SLC25A24: variants seen among roughly 807,000 people sequenced by gnomAD.
SLC25A24 encodes the protein mitochondrial adenyl nucleotide antiporter SLC25A24.
SLC25A24 carries 49 observed loss-of-function variants against 60.7 expected under a neutral mutation model. The ratio of observed to expected loss-of-function variants is 0.81; its 90% CI spans 0.64 to 1.02. The LOEUF is 1.02. Among genes scored for constraint, SLC25A24 ranks in the 50% least tolerant of loss-of-function variants. The pLI, the probability that SLC25A24 is intolerant of heterozygous loss-of-function variation, is 0.00. For missense variants in SLC25A24, 564 were observed against 586.3 expected (o/e 0.96, Z 0.39); for synonymous variants, 202 against 200.6 (o/e 1.01, Z -0.06).
intron 4 of SLC25A24, among the ~76,000 whole-genome samples, chr1:108,160,237 C>T (rs569834404): frequency 4.0e-4 from 61 of 151,146 alleles, no homozygotes; most frequent in African/African-American, 9.5e-4. Flanking sequence ...ACATCCCAGA[C>T]GGGGCGGCGG....
At chr1:108,197,053 T>C (rs1483796271) in intron 1 of SLC25A24, among the ~76,000 whole-genome samples, 1 of 152,128 alleles carries the variant, frequency 6.6e-6, no homozygotes, top group African/African-American at 2.4e-5. Context: ...AATTTTTCAC[T>C]AATTTCATAG....
intron 6 of SLC25A24, among the ~76,000 whole-genome samples, chr1:108,151,610 T>C (rs1679759419): frequency 6.6e-6 from 1 of 152,218 alleles, no homozygotes; most frequent in Non-Finnish European, 1.5e-5. Context: ...GTTTCTTCTT[T>C]TACTTCTCCC....
chr1:108,141,016 T>G (rs1429590856), intron 8 of SLC25A24, among the ~76,000 whole-genome samples: 1 of 152,088 alleles, frequency 6.6e-6, no homozygotes, highest in African/African-American at 2.4e-5. Context: ...GAATAACACA[T>G]ACAGAATCAA....
chr1:108,161,263 G>T lies in SLC25A24; in HGVS notation c.429C>A (p.Asp143Glu), dbSNP rs1291591276. ...AGAAGTAGTCTCTCCATTCATTCCA[G>T]TCCACTGTCATTGTCCCATCAACAT... ...SIDVDGTMTVDWNEWRDYFLF... is the reference protein window; with the variant it reads ...SIDVDGTMTVEWNEWRDYFLF... The change falls in exon 4 of 10, where the codon GAC (aspartate) becomes GAA (glutamate). Residue 143 changes from aspartate (D) to glutamate (E), a missense_variant. Coordinates refer to ENST00000565488, the MANE Select transcript of SLC25A24 (RefSeq NM_013386.5). The T allele has an allele frequency of 6.3e-6, 10 of 1,599,284 alleles. No homozygotes were observed. The highest frequency in any genetic ancestry group is 7.7e-6 in the Non-Finnish European group (9 of 1,167,844).
chr1:108,136,035 C>T lies in SLC25A24; in HGVS notation c.*618G>A, dbSNP rs1303973576. The T allele has an allele frequency of 6.6e-6, 1 of 152,134 alleles. No homozygotes were observed. The highest frequency in any genetic ancestry group is 2.1e-4 in the South Asian group (1 of 4,822). The allele number at this position is 152,134 out of a possible 1,614,324, so 9.4% of individuals were successfully genotyped here. On this transcript the variant is annotated 3_prime_UTR_variant, in exon 10 of 10. Coordinates refer to ENST00000565488, the MANE Select transcript of SLC25A24 (RefSeq NM_013386.5). The stretch of plus-strand genomic sequence containing the variant: ...TAACTCCAGGAACCAAATAATGGTA[C>T]AGTGGTAAAATGGAAAAGTGCCCAC...
chr1:108,160,282 G>A (rs1231565672), intron 4 of SLC25A24, among the ~76,000 whole-genome samples: 5 of 150,898 alleles, frequency 3.3e-5, no homozygotes, highest in East Asian at 2.0e-4. Flanking sequence ...GACGATGGGC[G>A]GCCGGGCAGA....
At chr1:108,157,969 T>C (rs758572340) in intron 4 of SLC25A24, among the ~76,000 whole-genome samples, 13 of 152,242 alleles carry the variant, frequency 8.5e-5, no homozygotes, top group Non-Finnish European at 1.8e-4. Context: ...CAACCATTTT[T>C]CATAAGGCTA....
chr1:108,147,252 G>T (rs1175574600), intron 7 of SLC25A24, among the ~76,000 whole-genome samples: 2 of 152,130 alleles, frequency 1.3e-5, no homozygotes, highest in Non-Finnish European at 2.9e-5. Flanking sequence ...TGTGGGATTG[G>T]TGGTGATATC....
intron 3 of SLC25A24, among the ~76,000 whole-genome samples, chr1:108,171,966 G>T (rs914114730): frequency 9.9e-5 from 15 of 152,178 alleles, no homozygotes; most frequent in Admixed American, 9.8e-4. Context: ...ACAAGTCAAG[G>T]ATTACAAACC....
chr1:108,158,579 C>A (rs1331608567), intron 4 of SLC25A24, among the ~76,000 whole-genome samples: 1 of 151,996 alleles, frequency 6.6e-6, no homozygotes, highest in Non-Finnish European at 1.5e-5. Context: ...GCACTAATCA[C>A]CAACAATTTT....
intron 7 of SLC25A24, among the ~76,000 whole-genome samples, chr1:108,145,516 G>T (rs939381354): frequency 5.9e-5 from 9 of 152,080 alleles, no homozygotes; most frequent in Middle Eastern, 3.4e-3. Flanking sequence ...TATTGCCTCG[G>T]TTTTTTTCTA....
intron 3 of SLC25A24, among the ~76,000 whole-genome samples, chr1:108,178,292 C>A (rs1342290393): frequency 6.6e-6 from 1 of 152,226 alleles, no homozygotes; most frequent in Admixed American, 6.5e-5. Flanking sequence ...ATAGACAAAT[C>A]ATCTCAACAG....
At chr1:108,150,899 A>G (rs1025510233) in intron 6 of SLC25A24, among the ~76,000 whole-genome samples, 4 of 152,098 alleles carry the variant, frequency 2.6e-5, no homozygotes, top group Admixed American at 2.6e-4. Context: ...CATTAAAGTC[A>G]AATCAAAATC....
In SLC25A24 at chr1:108,136,755, G is replaced by A. The variant is rs748568887; in HGVS notation, c.1332C>T (p.Tyr444=). 13 of 1,613,950 alleles carry A rather than the reference G, an allele frequency of 8.1e-6. No individual in the cohort carries two copies. The South Asian group carries it at 1.2e-4, about 15-fold the overall frequency. ...TCATGAAGTTTGGGGTGATGCCTCT[G>A]TAAAGTCCTGGTATTCCTTCTTTGG... ...IISKEGIPGL[Y]RGITPNFMKV... Residue 444 remains tyrosine (Y), a synonymous_variant, in exon 10 of 10, where the codon TAC becomes TAT. Transcript: ENST00000565488.
chr1:108,144,101 G>A (rs1679519920), intron 7 of SLC25A24, among the ~76,000 whole-genome samples: 1 of 152,126 alleles, frequency 6.6e-6, no homozygotes, highest in African/African-American at 2.4e-5. Flanking sequence ...ACTATTAACT[G>A]ATATGGAGGA....
intron 8 of SLC25A24, among the ~76,000 whole-genome samples, chr1:108,140,968 G>T (rs1384648368): frequency 2.0e-5 from 3 of 152,080 alleles, no homozygotes; most frequent in African/African-American, 7.2e-5. Flanking sequence ...AATGTAAATG[G>T]ATTAAATCCC....
intron 3 of SLC25A24, among the ~76,000 whole-genome samples, chr1:108,168,775 CTT>C (rs1170906499): frequency 6.6e-6 from 1 of 152,188 alleles, no homozygotes; most frequent in African/African-American, 2.4e-5. Context: ...AATACCTTCT[CTT>C]TGTCTTTCCA....
At chr1:108,192,857 T>C in intron 1 of SLC25A24, 2 of 966,968 alleles carry the variant, frequency 2.1e-6, no homozygotes, top group Non-Finnish European at 2.6e-6. Context: ...GGGACCTGCG[T>C]GGGACCGCAC....
chr1:108,196,002 G>T, intron 1 of SLC25A24, among the ~76,000 whole-genome samples: 1 of 106,236 alleles, frequency 9.4e-6, no homozygotes, highest in South Asian at 3.4e-4. Context: ...TCTGTCTCCA[G>T]AAAAAAAAAA....
Sources: gnomAD v4.1 joint callset for allele counts (sites outside exome capture counted in the v4.1 genomes callset) on GRCh38, gnomAD v4.1.1 for gene constraint, MANE v1.5 for transcripts, NCBI Gene and HGNC (gene_info 2026-07-23, HGNC 2026-07-21) for gene names.